Variants in RAI1 observed in about 807,000 individuals in gnomAD.
RAI1 encodes the protein retinoic acid induced 1, also known as retinoic acid-induced protein 1.
A neutral mutation model predicts 123.8 loss-of-function variants in RAI1; 9 were observed. The observed-to-expected ratio is 0.07, with a 90% CI of 0.04 to 0.13. RAI1 has a LOEUF of 0.13. RAI1 is among the 10% of genes least tolerant of loss of function. The probability of loss-of-function intolerance (pLI) is 1.00; values close to 1 mark genes in which losing one functional copy is unlikely to be tolerated. For synonymous variants in RAI1, 1,231 were observed against 1,127.3 expected (o/e 1.09, Z -1.84); for missense variants, 2,256 against 2,545.8 (o/e 0.89, Z 2.45).
intron 2 of RAI1, among the ~76,000 whole-genome samples, chr17:17,751,860 G>C (rs2142984244): frequency 6.6e-6 from 1 of 152,262 alleles, no homozygotes; most frequent in South Asian, 2.1e-4. Flanking sequence ...GCGGTGTAAC[G>C]CCCTGTACAA....
In RAI1 at chr17:17,797,533, A is replaced by G; in HGVS notation, c.4585A>G (p.Thr1529Ala). ...QTRAQKQPGH[T>A]NYSSYSKRKR... ...AAGGGCACAGAAACAGCCAGGCCAC[A>G]CCAACTACAGCAGCTATTCCAAGCG... is the stretch of plus-strand genomic sequence containing the variant. The change falls in exon 3 of 6, where the codon ACC becomes GCC. Residue 1529 changes from threonine to alanine, a missense_variant. By Grantham distance (58) the Thr-to-Ala change is moderately conservative. Around this residue, in one of 7 missense-constraint regions of RAI1, gnomAD observed 410 missense variants for 374.6 expected, o/e 1.09. Coordinates refer to ENST00000353383, the MANE Select transcript of RAI1 (RefSeq NM_030665.4). The G allele has an allele frequency of 6.2e-7, 1 of 1,613,972 alleles. No individual in the cohort carries two copies. The highest frequency in any genetic ancestry group is 8.5e-7 in the Non-Finnish European group (1 of 1,179,962).
rs9807070 is a variant in RAI1, at chr17:17,809,601, C to T, written c.5709+162C>T. Among the ~76,000 whole-genome samples, 3,013 of 152,152 alleles carry T rather than the reference C, an allele frequency of 0.02. 108 individuals are homozygous for T. Among genetic ancestry groups the T allele is most frequent in the African/African-American group, 0.068 (2,832 of 41,522 alleles). Reference sequence around the variant, plus strand: ...CCCGCCCACCCCCAGGAGCCCCCGCCGCCGTCCAGCTCAGGTCCCTGTCCA... The same window carrying T: ...CCCGCCCACCCCCAGGAGCCCCCGCTGCCGTCCAGCTCAGGTCCCTGTCCA... On this transcript the variant is annotated intron_variant, in intron 5 of 5. Coordinates refer to ENST00000353383, the MANE Select transcript of RAI1 (RefSeq NM_030665.4). The surrounding 1 kb of genome is among the most constrained non-coding windows in gnomAD (Gnocchi z 4.9).
At position 17,796,705 on chromosome 17, in the gene RAI1, G is replaced by A. The variant is rs2032268326; in HGVS notation, c.3757G>A (p.Gly1253Ser). 6.2e-7 allele frequency: 1 copy of A among 1,613,466 alleles called. No individual in the cohort carries two copies. The highest frequency in any genetic ancestry group is 1.1e-5 in the South Asian group (1 of 91,076). ...CAGCAGCAGCAGCAGCAACGCCAGTGGCAATGGGGGAGATGGGAAGGAGGA... is the reference window on the plus strand; with the variant it reads ...CAGCAGCAGCAGCAGCAACGCCAGTAGCAATGGGGGAGATGGGAAGGAGGA... ...SRSSSSSNAS[G>S]NGGDGKEERP... The change falls in exon 3 of 6, where the codon GGC becomes AGC. Residue 1253 changes from glycine (G) to serine (S), a missense_variant. Physicochemically the swap from Gly to Ser is moderately conservative, Grantham distance 56. Around this residue, in one of 7 missense-constraint regions of RAI1, gnomAD observed 322 missense variants for 358.0 expected, o/e 0.90. Coordinates refer to ENST00000353383, the MANE Select transcript of RAI1 (RefSeq NM_030665.4). The surrounding 1 kb of genome is among the most constrained non-coding windows in gnomAD (Gnocchi z 5.8).
Position 17,796,995 on chromosome 17 carries a change from A to G in RAI1, c.4047A>G (p.Pro1349=). 1 of 1,613,866 alleles carries G rather than the reference A, an allele frequency of 6.2e-7. No individual in the cohort carries two copies. The highest frequency in any genetic ancestry group is 8.5e-7 in the Non-Finnish European group (1 of 1,180,038). ...PSLKKFACKA[P]GASPGNPLSP... ...TCAAGAAGTTCGCATGTAAAGCGCC[A>G]GGGGCCTCTCCTGGTAATCCTCTGA... The change falls in exon 3 of 6, where the codon CCA becomes CCG. Residue 1349 remains proline, a synonymous_variant. Coordinates refer to ENST00000353383, the MANE Select transcript of RAI1 (RefSeq NM_030665.4). This position sits in a 1 kb window ranked among gnomAD's most constrained non-coding sequence, Gnocchi z 5.8.
intron 4 of RAI1, among the ~76,000 whole-genome samples, chr17:17,804,956 G>A (rs1210484093): frequency 2.0e-5 from 3 of 152,004 alleles, no homozygotes; most frequent in Non-Finnish European, 4.4e-5. Flanking sequence ...TCCGCCTCCC[G>A]AGTTCAAGCG....
intron 1 of RAI1, among the ~76,000 whole-genome samples, chr17:17,706,295 G>A (rs995141149): frequency 3.9e-5 from 6 of 152,162 alleles, no homozygotes; most frequent in Admixed American, 6.5e-5. Flanking sequence ...AGTTGGGTCC[G>A]GCCAGCAGGG....
At chr17:17,773,761 G>A (rs1382239574) in intron 2 of RAI1, among the ~76,000 whole-genome samples, 2 of 152,042 alleles carry the variant, frequency 1.3e-5, no homozygotes, top group Admixed American at 6.5e-5. Flanking sequence ...TGCCACAGGC[G>A]CCACACTGGC....
chr17:17,810,642 T>TAGAC lies in RAI1; in HGVS notation c.*662_*665dup, dbSNP rs1301522232. The TAGAC allele has an allele frequency of 3.0e-6, 1 of 334,512 alleles. No homozygotes were observed. The highest frequency in any genetic ancestry group is 6.0e-6 in the Non-Finnish European group (1 of 165,634). 20.7% of individuals were successfully genotyped at this position (334,512 alleles called of 1,614,324 possible). A position where few individuals can be genotyped will look rare whatever the true frequency, so the allele number is the denominator to read the frequency against. ...TCGTGCGGTTCGGGCAAAGCCGGGG[T>TAGAC]AGACCTGGGCTATGCTCAGTTAGGG... On this transcript the variant is annotated 3_prime_UTR_variant, in exon 6 of 6. Coordinates refer to ENST00000353383, the MANE Select transcript of RAI1 (RefSeq NM_030665.4). This position sits in a 1 kb window ranked among gnomAD's most constrained non-coding sequence, Gnocchi z 4.6.
intron 2 of RAI1, among the ~76,000 whole-genome samples, chr17:17,775,558 G>T (rs1301373830): frequency 1.2e-5 from 1 of 80,296 alleles, no homozygotes; most frequent in Non-Finnish European, 3.1e-5. Context: ...CATGTTATAT[G>T]TATTATTTAC....
intron 2 of RAI1, among the ~76,000 whole-genome samples, chr17:17,791,477 CT>C (rs1480251391): frequency 6.6e-6 from 1 of 152,176 alleles, no homozygotes; most frequent in Non-Finnish European, 1.5e-5. Context: ...CCCTCTCCCC[CT>C]CTCTTTGTCC....
intron 1 of RAI1, among the ~76,000 whole-genome samples, chr17:17,686,477 G>T (rs1052036107): frequency 6.6e-6 from 1 of 150,892 alleles, no homozygotes; most frequent in African/African-American, 2.5e-5. Context: ...TGACACCAGG[G>T]AAGGGGAGGC....
rs144413011 is a variant in RAI1 at position 17,692,550 on chromosome 17, C to T, written c.-149+10757C>T. On this transcript the variant is annotated intron_variant, in intron 1 of 5. Coordinates refer to ENST00000353383, the MANE Select transcript of RAI1 (RefSeq NM_030665.4). ...CAGAGCTAGGATTAGAAATCACATCCGCAGGCTCCAAAGCCAGGCCCTGCC... is the reference window on the plus strand; with the variant it reads ...CAGAGCTAGGATTAGAAATCACATCTGCAGGCTCCAAAGCCAGGCCCTGCC... Among the ~76,000 whole-genome samples, 370 of 152,322 alleles carry T rather than the reference C, an allele frequency of 2.4e-3. 1 individual carries two copies. The highest frequency in any genetic ancestry group is 9.5e-3 in the Admixed American group (146 of 15,306).
chr17:17,759,184 A>T (rs1247543782), intron 2 of RAI1: 2 of 152,198 alleles, frequency 1.3e-5, no homozygotes, highest in African/African-American at 4.8e-5. Context: ...CCATCCCCAC[A>T]TGGGGAAGGG....
At chr17:17,689,051 G>A (rs1367531231) in intron 1 of RAI1, among the ~76,000 whole-genome samples, 2 of 150,544 alleles carry the variant, frequency 1.3e-5, no homozygotes, top group Non-Finnish European at 3.0e-5. Flanking sequence ...TGCCCCCTGG[G>A]TTCAAGCATT....
At position 17,794,214 on chromosome 17, in the gene RAI1, C is replaced by T. The variant is rs777325097; in HGVS notation, c.1266C>T (p.Leu422=). 26 of 1,613,516 alleles carry T rather than the reference C, an allele frequency of 1.6e-5. 1 individual carries two copies. The Admixed American group carries it at 4.2e-4, about 26-fold the overall frequency. ...GNCKPLQKDK[L]PENLLSDLSL... The stretch of plus-strand genomic sequence containing the variant: ...GCAAGCCCCTTCAGAAGGACAAGCT[C>T]CCTGAGAACCTGCTGTCGGATCTCA... The change falls in exon 3 of 6, where the codon CTC becomes CTT. Residue 422 remains leucine (L), a synonymous_variant. Transcript: ENST00000353383.
Position 17,811,164 on chromosome 17 carries a change from C to T in RAI1, c.*1183C>T, listed in dbSNP as rs138625473. Reference sequence around the variant, plus strand: ...GACGCAGCCCCCAGCCCAGGGCCGCCCTAGCAACTTCCTGTACATATGACT... The same window carrying T: ...GACGCAGCCCCCAGCCCAGGGCCGCTCTAGCAACTTCCTGTACATATGACT... On this transcript the variant is annotated 3_prime_UTR_variant, in exon 6 of 6. Coordinates refer to ENST00000353383, the MANE Select transcript of RAI1 (RefSeq NM_030665.4). 1.3e-4 allele frequency: 37 copies of T among 295,838 alleles called. 1 individual carries two copies. The East Asian group carries it at 3.8e-3, about 30-fold the overall frequency. 18.3% of individuals were successfully genotyped at this position (295,838 alleles called of 1,614,324 possible). A position where few individuals can be genotyped will look rare whatever the true frequency, so the allele number is the denominator to read the frequency against.
intron 1 of RAI1, among the ~76,000 whole-genome samples, chr17:17,701,645 A>G (rs1190366976): frequency 6.6e-6 from 1 of 151,830 alleles, no homozygotes; most frequent in African/African-American, 2.4e-5. Context: ...CCCAGGCTGG[A>G]GTGCAGTGGT....
chr17:17,720,880 C>T (rs1020304062), intron 1 of RAI1, among the ~76,000 whole-genome samples: 1 of 152,094 alleles, frequency 6.6e-6, no homozygotes, highest in Non-Finnish European at 1.5e-5. Context: ...GAATCAAGAT[C>T]CCTCCGTACC....
Position 17,685,961 on chromosome 17 carries a change from G to T in RAI1, c.-149+4168G>T, listed in dbSNP as rs1324806317. On this transcript the variant is annotated intron_variant, in intron 1 of 5. Transcript: ENST00000353383. The surrounding 1 kb of genome is among the most constrained non-coding windows in gnomAD (Gnocchi z 4.0). ...CGCCCCAGACCAAAACAGACGTCCTGTCTCCTCCTCCTCTGACCTCCGAGG... is the reference window on the plus strand; with the variant it reads ...CGCCCCAGACCAAAACAGACGTCCTTTCTCCTCCTCCTCTGACCTCCGAGG... Among the ~76,000 whole-genome samples, 1 of 152,194 alleles carries T rather than the reference G, an allele frequency of 6.6e-6. No homozygotes were observed. The highest frequency in any genetic ancestry group is 2.4e-5 in the African/African-American group (1 of 41,444).
Sources: gnomAD v4.1 joint callset for allele counts (sites outside exome capture counted in the v4.1 genomes callset) on GRCh38, gnomAD v4.1.1 for gene constraint, gnomAD v4.1.1 regional missense constraint, Gnocchi (gnomAD v3.1) non-coding constraint, MANE v1.5 for transcripts, NCBI Gene and HGNC (gene_info 2026-07-23, HGNC 2026-07-21) for gene names.